HDAC11: variants seen among roughly 807,000 people sequenced by gnomAD.
HDAC11 encodes the protein histone deacetylase 11.
In HDAC11, 23 loss-of-function variants were observed where a neutral mutation model predicts 41.1. That is an observed-to-expected ratio of 0.56 (90% confidence interval 0.40 to 0.79). The LOEUF is 0.79. HDAC11 is among the 30% of genes least tolerant of loss of function. The pLI, the probability that HDAC11 is intolerant of heterozygous loss-of-function variation, is 0.00. For missense variants in HDAC11, 402 were observed against 477.3 expected (o/e 0.84, Z 1.47); for synonymous variants, 187 against 186.6 (o/e 1.00, Z -0.02).
chr3:13,502,070 T>G lies in HDAC11; in HGVS notation c.552+137T>G. On this transcript the variant is annotated intron_variant, in intron 7 of 9. Transcript: ENST00000295757. This position sits in a 1 kb window ranked among gnomAD's most constrained non-coding sequence, Gnocchi z 4.1. ...TGTCTTCTGTCTCTCGGGCTACAAA[T>G]GCAGGGTCTGTCTTTGTCACTCTGT... is the stretch of plus-strand genomic sequence containing the variant. 1.4e-6 allele frequency: 1 copy of G among 698,522 alleles called. No individual in the cohort carries two copies. The highest frequency in any genetic ancestry group is 2.5e-6 in the Non-Finnish European group (1 of 404,606). The allele number at this position is 698,522 out of a possible 1,614,324, so 43.3% of individuals were successfully genotyped here.
intron 8 of HDAC11, chr3:13,503,190 T>A: frequency 2.7e-6 from 1 of 374,982 alleles, no homozygotes; most frequent in Non-Finnish European, 4.8e-6. Flanking sequence ...ACAATAAACA[T>A]GCATTTGTCT....
rs1472301057 is a variant in HDAC11 at position 13,505,837 on chromosome 3, A to G, written c.*1154A>G. ...TCTGGCCTGTTCCTCAGCCCTACTC[A>G]TGGGGACATTCAGGGACCTCCAGGA... is the stretch of plus-strand genomic sequence containing the variant. On this transcript the variant is annotated 3_prime_UTR_variant, in exon 10 of 10. Coordinates refer to ENST00000295757, the MANE Select transcript of HDAC11 (RefSeq NM_024827.4). The G allele has an allele frequency of 1.3e-5, 2 of 152,244 alleles. No homozygotes were observed. The highest frequency in any genetic ancestry group is 2.9e-5 in the Non-Finnish European group (2 of 68,090). 9.4% of individuals were successfully genotyped at this position (152,244 alleles called of 1,614,324 possible).
rs1702122751 is a variant in HDAC11, at chr3:13,496,863, T to TC, written c.369+11_369+12insC. 4 of 1,080,082 alleles carry TC rather than the reference T, an allele frequency of 3.7e-6. No individual in the cohort carries two copies. Among genetic ancestry groups the TC allele is most frequent in the Non-Finnish European group, 5.4e-6 (4 of 736,214 alleles). The allele number at this position is 1,080,082 out of a possible 1,614,324, so 66.9% of individuals were successfully genotyped here. ...GGAGGAACCATAATGGTAGGTGGGG[T>TC]GGGGGGGCATGGCTGGGCTGGGGGC... is the stretch of plus-strand genomic sequence containing the variant. On this transcript the variant is annotated intron_variant, in intron 4 of 9. Transcript: ENST00000295757.
At chr3:13,494,948 C>T (rs1702027067) in intron 3 of HDAC11, among the ~76,000 whole-genome samples, 1 of 152,084 alleles carries the variant, frequency 6.6e-6, no homozygotes, top group Non-Finnish European at 1.5e-5. Context: ...GTTCGTCACC[C>T]CTCTGCCATC....
intron 3 of HDAC11, among the ~76,000 whole-genome samples, chr3:13,488,250 A>T (rs73815728): frequency 0.034 from 5,144 of 151,924 alleles, 130 homozygotes; most frequent in African/African-American, 0.068. Flanking sequence ...TTAAAAAAAA[A>T]TTTTTTTTAA....
intron 2 of HDAC11, 22 bp from the exon 3 acceptor site, chr3:13,483,442 G>A (rs185188806): frequency 2.0e-4 from 329 of 1,607,772 alleles, no homozygotes; most frequent in Admixed American, 9.0e-4. Flanking sequence ...GGGGAAGCAG[G>A]ATGCTCCCTC....
rs140352075 is a variant in HDAC11 at position 13,488,124 on chromosome 3, A to C, written c.252+4560A>C. On this transcript the variant is annotated intron_variant, in intron 3 of 9. Transcript: ENST00000295757. Reference sequence around the variant, plus strand: ...GTTCCAGTATAGTGTGGAGAGAAGGAGACACAGACCATAGCTCCATGGAGC... The same window carrying C: ...GTTCCAGTATAGTGTGGAGAGAAGGCGACACAGACCATAGCTCCATGGAGC... Among the ~76,000 whole-genome samples the C allele has an allele frequency of 1.8e-3, 273 of 151,856 alleles. 1 individual carries two copies. The highest frequency in any genetic ancestry group is 6.1e-3 in the African/African-American group (253 of 41,380).
rs1701305281 is a variant in HDAC11, at chr3:13,481,293, C to A, written c.50C>A (p.Pro17Gln). 6.2e-7 allele frequency: 1 copy of A among 1,613,018 alleles called. No individual in the cohort carries two copies. Among genetic ancestry groups the A allele is most frequent in the African/African-American group, 1.3e-5 (1 of 74,980 alleles). Reference protein sequence around the residue: ...LYQHVPETRWPIVYSPRYNIT... With the variant: ...LYQHVPETRWQIVYSPRYNIT... ...CAGCATGTGCCAGAGACACGCTGGC[C>A]AATCGTGTACTCGCCGCGCTACAAC... Residue 17 changes from proline (P) to glutamine (Q), a missense_variant, in exon 2 of 10, where the codon CCA becomes CAA. Physicochemically the swap from Pro to Gln is moderately conservative, Grantham distance 76. Coordinates refer to ENST00000295757, the MANE Select transcript of HDAC11 (RefSeq NM_024827.4).
intron 3 of HDAC11, among the ~76,000 whole-genome samples, chr3:13,494,101 C>T (rs1021421962): frequency 2.6e-5 from 4 of 152,238 alleles, no homozygotes; most frequent in African/African-American, 9.6e-5. Flanking sequence ...AAACGACTTG[C>T]CGGTGGAAGC....
chr3:13,482,881 C>T (rs1324246272), intron 2 of HDAC11, among the ~76,000 whole-genome samples: 1 of 152,094 alleles, frequency 6.6e-6, no homozygotes, highest in East Asian at 1.9e-4. Context: ...TCATTGCCAC[C>T]TCAACCTCCC....
intron 3 of HDAC11, among the ~76,000 whole-genome samples, chr3:13,486,779 A>G (rs1287722346): frequency 1.3e-5 from 2 of 152,070 alleles, no homozygotes; most frequent in Admixed American, 6.6e-5. Context: ...AGTTTTCACC[A>G]TGTTGGCCAG....
At chr3:13,496,952 T>G in intron 4 of HDAC11, 100 bp downstream of exon 4, 1 of 563,634 alleles carries the variant, frequency 1.8e-6, no homozygotes, top group Non-Finnish European at 3.1e-6. Flanking sequence ...ACTTAGTAGT[T>G]GAACAGAATC....
intron 6 of HDAC11, chr3:13,501,611 C>T: frequency 1.5e-6 from 1 of 689,644 alleles, no homozygotes. Flanking sequence ...CACTTACCTC[C>T]TGACCTATGA....
intron 3 of HDAC11, among the ~76,000 whole-genome samples, chr3:13,489,126 G>C (rs900068324): frequency 6.6e-6 from 1 of 151,784 alleles, no homozygotes; most frequent in Non-Finnish European, 1.5e-5. Flanking sequence ...TGAGTTGTAG[G>C]GTTCTTTATA....
intron 3 of HDAC11, among the ~76,000 whole-genome samples, chr3:13,491,534 G>A (rs559830105): frequency 3.9e-5 from 6 of 152,170 alleles, no homozygotes; most frequent in Admixed American, 2.6e-4. Flanking sequence ...AGCAGTGGGC[G>A]CCCTAGAGGG....
intron 3 of HDAC11, among the ~76,000 whole-genome samples, chr3:13,491,515 C>A (rs1701864855): frequency 6.6e-6 from 1 of 152,036 alleles, no homozygotes; most frequent in African/African-American, 2.4e-5. Context: ...AAAGGACCCA[C>A]CTAAAGCAAG....
At chr3:13,500,539 C>A (rs1702309670) in intron 5 of HDAC11, among the ~76,000 whole-genome samples, 174 bp from the exon 6 acceptor site, 1 of 152,126 alleles carries the variant, frequency 6.6e-6, no homozygotes, top group African/African-American at 2.4e-5. Context: ...GCCTTCTGGC[C>A]TGGGGATGGT....
At chr3:13,481,167 C>A in intron 1 of HDAC11, 79 bp from the exon 2 acceptor site, 1 of 1,460,498 alleles carries the variant, frequency 6.8e-7, no homozygotes, top group Non-Finnish European at 9.2e-7. Flanking sequence ...GCTGGTGGGT[C>A]AGTCCAGGCG....
At chr3:13,500,894 A>G (rs1399414636) in intron 6 of HDAC11, 105 bp downstream of exon 6, 11 of 880,340 alleles carry the variant, frequency 1.2e-5, no homozygotes, top group Non-Finnish European at 1.8e-5. Flanking sequence ...CAAGGGGCCT[A>G]TGCTGGAGCA....
Sources: gnomAD v4.1 joint callset for allele counts (sites outside exome capture counted in the v4.1 genomes callset) on GRCh38, gnomAD v4.1.1 for gene constraint, Gnocchi (gnomAD v3.1) non-coding constraint, MANE v1.5 for transcripts, NCBI Gene and HGNC (gene_info 2026-07-23, HGNC 2026-07-21) for gene names.